Variants in CUX2 observed in about 807,000 individuals in gnomAD.
The protein encoded by CUX2 is homeobox protein cut-like 2.
CUX2 carries 40 observed loss-of-function variants against 144.8 expected under a neutral mutation model. The ratio of observed to expected loss-of-function variants is 0.28; its 90% confidence interval spans 0.21 to 0.36. The LOEUF is 0.36. Ranked by LOEUF, CUX2 falls within the 10% of genes least tolerant of loss-of-function variation. CUX2 has a pLI of 1.00. For missense variants in CUX2, 1,615 were observed against 1,994.0 expected (o/e 0.81, Z 3.62); for synonymous variants, 827 against 875.6 (o/e 0.94, Z 0.98).
chr12:111,083,106 G>A (rs1871996516), intron 1 of CUX2, among the ~76,000 whole-genome samples: 1 of 152,166 alleles, frequency 6.6e-6, no homozygotes, highest in South Asian at 2.1e-4. Flanking sequence ...CCCCTGCTAA[G>A]TTGTACCAAC....
At chr12:111,313,527 A>G (rs1442483744) in intron 16 of CUX2, among the ~76,000 whole-genome samples, 1 of 151,792 alleles carries the variant, frequency 6.6e-6, no homozygotes, top group Non-Finnish European at 1.5e-5. Flanking sequence ...CTGTAATCCC[A>G]GCTACTCAGG....
At chr12:111,115,821 C>T (rs921638615) in intron 1 of CUX2, among the ~76,000 whole-genome samples, 1 of 152,136 alleles carries the variant, frequency 6.6e-6, no homozygotes, top group African/African-American at 2.4e-5. Flanking sequence ...TTGTCTCCCC[C>T]ACTAGACCAT....
chr12:111,137,416 C>T (rs775529333), intron 1 of CUX2, among the ~76,000 whole-genome samples: 2 of 151,956 alleles, frequency 1.3e-5, no homozygotes, highest in South Asian at 2.1e-4. Context: ...TGAAATCAGA[C>T]ACTTTGGGGA....
chr12:111,260,741 A>G (rs188613371), intron 3 of CUX2, among the ~76,000 whole-genome samples: 10 of 152,250 alleles, frequency 6.6e-5, no homozygotes, highest in Admixed American at 5.9e-4. Context: ...CCATGAAGGG[A>G]AAGTAGGGGG....
intron 18 of CUX2, among the ~76,000 whole-genome samples, chr12:111,328,292 G>A (rs2136420016): frequency 6.6e-6 from 1 of 152,294 alleles, no homozygotes; most frequent in South Asian, 2.1e-4. Context: ...CCTGGCCACT[G>A]GGGCGGGCAG....
intron 1 of CUX2, among the ~76,000 whole-genome samples, chr12:111,089,938 A>G (rs1009895783): frequency 4.6e-5 from 7 of 152,152 alleles, no homozygotes; most frequent in African/African-American, 1.7e-4. Context: ...TTTGAGGGTG[A>G]TGGGAGCCAT....
At chr12:111,127,588 T>C (rs779863583) in intron 1 of CUX2, among the ~76,000 whole-genome samples, 1 of 152,190 alleles carries the variant, frequency 6.6e-6, no homozygotes, top group African/African-American at 2.4e-5. Flanking sequence ...TATCTCCTAG[T>C]AGAAACAGTC....
At chr12:111,235,407 G>T (rs1172245895) in intron 3 of CUX2, among the ~76,000 whole-genome samples, 1 of 152,088 alleles carries the variant, frequency 6.6e-6, no homozygotes, top group Non-Finnish European at 1.5e-5. Context: ...TCAGAGTTGG[G>T]TTGTGCTTTG....
At chr12:111,309,607 T>A (rs1332711532) in intron 14 of CUX2, among the ~76,000 whole-genome samples, 1 of 56,066 alleles carries the variant, frequency 1.8e-5, no homozygotes, top group Non-Finnish European at 3.6e-5. Context: ...CCTTCCCTCC[T>A]CCTCCTCCTT....
chr12:111,168,765 G>A (rs1878318573), intron 1 of CUX2, among the ~76,000 whole-genome samples: 1 of 152,238 alleles, frequency 6.6e-6, no homozygotes, highest in Non-Finnish European at 1.5e-5. Context: ...ATATTAATAT[G>A]AGTCGATGGA....
At chr12:111,100,859 G>A (rs577824450) in intron 1 of CUX2, among the ~76,000 whole-genome samples, 16 of 152,280 alleles carry the variant, frequency 1.1e-4, no homozygotes, top group African/African-American at 3.6e-4. Context: ...CATCTTGCAT[G>A]GGGGAGCCCC....
At chr12:111,188,228 AAC>A (rs558008486) in intron 1 of CUX2, among the ~76,000 whole-genome samples, 29 of 152,340 alleles carry the variant, frequency 1.9e-4, no homozygotes, top group Admixed American at 5.2e-4. Flanking sequence ...ACAGGTTACT[AAC>A]ACAAGTGTCT....
At chr12:111,112,181 AC>A (rs1432831436) in intron 1 of CUX2, among the ~76,000 whole-genome samples, 4 of 152,186 alleles carry the variant, frequency 2.6e-5, no homozygotes, top group Non-Finnish European at 4.4e-5. Flanking sequence ...GCCCATGTCA[AC>A]GGGGAGGTGA....
chr12:111,108,538 TATCTA>T, intron 1 of CUX2, among the ~76,000 whole-genome samples: 1 of 152,302 alleles, frequency 6.6e-6, no homozygotes, highest in African/African-American at 2.4e-5. Context: ...CCCATTTATT[TATCTA>T]TTCAGTTTTT....
At chr12:111,247,463 G>A (rs772425727) in intron 3 of CUX2, among the ~76,000 whole-genome samples, 1 of 152,238 alleles carries the variant, frequency 6.6e-6, no homozygotes, top group Non-Finnish European at 1.5e-5. Context: ...GAACTTGTCA[G>A]GATCACTGCA....
chr12:111,076,367 C>T (rs1278818506), intron 1 of CUX2, among the ~76,000 whole-genome samples: 2 of 152,210 alleles, frequency 1.3e-5, no homozygotes, highest in African/African-American at 2.4e-5. Context: ...GTGCCTCCTA[C>T]CATGTAGAGA....
chr12:111,216,242 A>G (rs544172971), intron 2 of CUX2, among the ~76,000 whole-genome samples: 1 of 152,338 alleles, frequency 6.6e-6, no homozygotes, highest in East Asian at 1.9e-4. Context: ...ACCTGGGCTC[A>G]AATTCTAGCT....
At chr12:111,056,015 A>G (rs1265570362) in intron 1 of CUX2, among the ~76,000 whole-genome samples, 1 of 152,096 alleles carries the variant, frequency 6.6e-6, no homozygotes, top group Non-Finnish European at 1.5e-5. Context: ...TTTCCCCTCC[A>G]TAGCTAGATT....
chr12:111,316,346 G>C (rs909022829), intron 16 of CUX2, among the ~76,000 whole-genome samples: 44 of 141,452 alleles, frequency 3.1e-4, no homozygotes, highest in Non-Finnish European at 5.2e-4. Context: ...GGGTTTCTCC[G>C]TGTTGGTCAG....
Sources: gnomAD v4.1 joint callset for allele counts (sites outside exome capture counted in the v4.1 genomes callset) on GRCh38, gnomAD v4.1.1 for gene constraint, MANE v1.5 for transcripts, NCBI Gene and HGNC (gene_info 2026-07-23, HGNC 2026-07-21) for gene names.